The following PLA2G4A variants were observed in gnomAD, a reference collection of about 807,000 sequenced individuals.
PLA2G4A encodes the protein cytosolic phospholipase A2.
In PLA2G4A, 40 loss-of-function variants were observed where a neutral mutation model predicts 81.9. The observed-to-expected ratio is 0.49, with a 90% CI of 0.38 to 0.64. The LOEUF (loss-of-function observed/expected upper bound fraction) is 0.64. Among genes scored for constraint, PLA2G4A ranks in the 30% least tolerant of loss-of-function variants. PLA2G4A has a pLI of 0.00. For missense variants in PLA2G4A, 715 were observed against 905.1 expected (o/e 0.79, Z 2.69); for synonymous variants, 302 against 296.9 (o/e 1.02, Z -0.18).
intron 14 of PLA2G4A, among the ~76,000 whole-genome samples, chr1:186,964,889 T>G (rs938698946): frequency 1.3e-5 from 2 of 152,152 alleles, no homozygotes; most frequent in African/African-American, 4.8e-5. Flanking sequence ...TGTGGTGGAA[T>G]GCACACTCAC....
At position 186,876,648 on chromosome 1, in the gene PLA2G4A, A is replaced by G. The variant is rs1032166236; in HGVS notation, c.115+6132A>G. Among the ~76,000 whole-genome samples, 15 of 152,114 alleles carry G rather than the reference A, an allele frequency of 9.9e-5. 1 individual carries two copies. Among genetic ancestry groups the G allele is most frequent in the Admixed American group, 3.3e-4 (5 of 15,258 alleles). Reference sequence around the variant, plus strand: ...GGCCATCCACTTTTTGGCAGGCACTAAAATGCCTTTCAGAGCAGTCTTCCC... The same window carrying G: ...GGCCATCCACTTTTTGGCAGGCACTGAAATGCCTTTCAGAGCAGTCTTCCC... On this transcript the variant is annotated intron_variant, in intron 3 of 17. Coordinates refer to ENST00000367466, the MANE Select transcript of PLA2G4A (RefSeq NM_024420.3).
At chr1:186,873,424 T>G (rs899695554) in intron 3 of PLA2G4A, among the ~76,000 whole-genome samples, 8 of 152,072 alleles carry the variant, frequency 5.3e-5, no homozygotes, top group African/African-American at 1.9e-4. Flanking sequence ...TACATCCTCT[T>G]CTGTTGTTGA....
chr1:186,886,347 C>T (rs1304649089), intron 3 of PLA2G4A, among the ~76,000 whole-genome samples: 5 of 152,072 alleles, frequency 3.3e-5, no homozygotes, highest in Admixed American at 3.3e-4. Flanking sequence ...GCAGTATTCC[C>T]AATAAATAAT....
chr1:186,974,898 A>G (rs1657478754), intron 15 of PLA2G4A, among the ~76,000 whole-genome samples: 1 of 152,206 alleles, frequency 6.6e-6, no homozygotes, highest in South Asian at 2.1e-4. Flanking sequence ...CATCAGGATC[A>G]CATAAGGAAA....
At chr1:186,865,422 T>A (rs77483022) in intron 2 of PLA2G4A, among the ~76,000 whole-genome samples, 131 of 152,212 alleles carry the variant, frequency 8.6e-4, no homozygotes, top group South Asian at 1.9e-3. Context: ...TATATTAGAA[T>A]GAAACTCCAC....
At chr1:186,950,041 G>T (rs907960090) in intron 12 of PLA2G4A, among the ~76,000 whole-genome samples, 1 of 151,940 alleles carries the variant, frequency 6.6e-6, no homozygotes, top group Admixed American at 6.6e-5. Context: ...AAAGAAGAAA[G>T]ATAACTAGTT....
At chr1:186,867,791 C>T (rs1174684632) in intron 2 of PLA2G4A, among the ~76,000 whole-genome samples, 1 of 152,084 alleles carries the variant, frequency 6.6e-6, no homozygotes, top group Non-Finnish European at 1.5e-5. Flanking sequence ...TTCGGGGAAG[C>T]TTCCATTTTG....
chr1:186,985,533 G>A (rs576573951), intron 17 of PLA2G4A, among the ~76,000 whole-genome samples: 1 of 151,554 alleles, frequency 6.6e-6, no homozygotes, highest in Admixed American at 6.6e-5. Context: ...TTCTCTCTTG[G>A]GCTTATTTTT....
intron 17 of PLA2G4A, among the ~76,000 whole-genome samples, chr1:186,985,835 A>G (rs957627305): frequency 4.6e-5 from 7 of 152,198 alleles, no homozygotes; most frequent in African/African-American, 1.7e-4. Context: ...ATTTCAGGGA[A>G]GAATGAAAGA....
At chr1:186,904,675 T>C (rs955246915) in intron 5 of PLA2G4A, among the ~76,000 whole-genome samples, 2 of 152,244 alleles carry the variant, frequency 1.3e-5, no homozygotes, top group African/African-American at 4.8e-5. Flanking sequence ...TCTTCCGTTA[T>C]CCTGCCTTTG....
At chr1:186,960,860 G>A (rs1024237382) in intron 14 of PLA2G4A, among the ~76,000 whole-genome samples, 6 of 152,102 alleles carry the variant, frequency 3.9e-5, no homozygotes, top group South Asian at 2.1e-4. Context: ...TAGGGAATGC[G>A]CAATGTAATT....
intron 1 of PLA2G4A, among the ~76,000 whole-genome samples, chr1:186,832,659 C>G (rs945362856): frequency 4.6e-5 from 7 of 152,146 alleles, no homozygotes; most frequent in Non-Finnish European, 1.5e-5. Flanking sequence ...GAGCAATTTT[C>G]ATAGTGGCCA....
chr1:186,981,347 A>C lies in PLA2G4A; in HGVS notation c.2118+1875A>C, dbSNP rs142614298. 3.8e-3 allele frequency among the ~76,000 whole-genome samples: 584 copies of C among 152,280 alleles called. 1 individual carries two copies. The highest frequency in any genetic ancestry group is 0.013 in the African/African-American group (559 of 41,574). ...TAGTTTATATAAAGTCTGCTAAACA[A>C]TTTGCAATAAGGAATGATACAGTTT... On this transcript the variant is annotated intron_variant, in intron 17 of 17. Coordinates refer to ENST00000367466, the MANE Select transcript of PLA2G4A (RefSeq NM_024420.3).
chr1:186,851,783 G>A (rs1042782085), intron 1 of PLA2G4A, among the ~76,000 whole-genome samples: 2 of 151,860 alleles, frequency 1.3e-5, no homozygotes, highest in Non-Finnish European at 2.9e-5. Context: ...AATATAAAAT[G>A]TAGTTTCAAA....
intron 17 of PLA2G4A, among the ~76,000 whole-genome samples, chr1:186,988,011 A>G (rs1353952289): frequency 6.6e-6 from 1 of 152,352 alleles, no homozygotes; most frequent in East Asian, 1.9e-4. Flanking sequence ...AATTATAAAG[A>G]ACATAAATTA....
At chr1:186,890,851 CAAAA>C (rs11390247) in intron 3 of PLA2G4A, among the ~76,000 whole-genome samples, 1 of 130,730 alleles carries the variant, frequency 7.6e-6, no homozygotes, top group African/African-American at 2.8e-5. Flanking sequence ...GACTCTGTCT[CAAAA>C]AAAAAAAAAA....
intron 4 of PLA2G4A, 116 bp downstream of exon 4, chr1:186,893,275 G>A: frequency 1.1e-6 from 1 of 875,650 alleles, no homozygotes; most frequent in Non-Finnish European, 1.9e-6. Flanking sequence ...GTTAGACTGG[G>A]CAGCTTGGTA....
intron 13 of PLA2G4A, among the ~76,000 whole-genome samples, chr1:186,952,781 A>C (rs568022239): frequency 7.4e-6 from 1 of 134,530 alleles, no homozygotes; most frequent in East Asian, 2.2e-4. Flanking sequence ...CTTTTCCAGA[A>C]TGTCATGTAG....
intron 3 of PLA2G4A, among the ~76,000 whole-genome samples, chr1:186,872,154 T>C (rs1217746298): frequency 6.6e-6 from 1 of 152,154 alleles, no homozygotes; most frequent in Non-Finnish European, 1.5e-5. Context: ...TTTTAAATTT[T>C]ATCTCAGACT....
Sources: gnomAD v4.1 joint callset for allele counts (sites outside exome capture counted in the v4.1 genomes callset) on GRCh38, gnomAD v4.1.1 for gene constraint, MANE v1.5 for transcripts, NCBI Gene and HGNC (gene_info 2026-07-23, HGNC 2026-07-21) for gene names.